The following PALM variants were observed in gnomAD, a reference collection of about 807,000 sequenced individuals.
The protein encoded by PALM is paralemmin.
In PALM, 18 loss-of-function variants were observed where a neutral mutation model predicts 30.7. The observed-to-expected ratio is 0.59, with a 90% confidence interval of 0.41 to 0.87. The LOEUF is 0.87. Among genes scored for constraint, PALM ranks in the 40% least tolerant of loss-of-function variants. The pLI is 0.00. For synonymous variants in PALM, 286 were observed against 242.8 expected (o/e 1.18, Z -1.66); for missense variants, 529 against 555.4 (o/e 0.95, Z 0.48).
chr19:729,033 G>A (rs1747382705), intron 4 of PALM, among the ~76,000 whole-genome samples: 1 of 151,400 alleles, frequency 6.6e-6, no homozygotes, highest in African/African-American at 2.4e-5. Context: ...AAAAATAAAG[G>A]CATGGACATG....
rs781245966 is a variant in PALM at position 746,582 on chromosome 19, A to T, written c.932A>T (p.Glu311Val). 3.1e-6 allele frequency: 5 copies of T among 1,613,422 alleles called. No individual in the cohort carries two copies. The Admixed American group carries it at 6.7e-5, about 22-fold the overall frequency. The change falls in exon 9 of 9, where the codon GAG becomes GTG. Residue 311 changes from glutamate (E) to valine (V), a missense_variant. Physicochemically the swap from Glu to Val is moderately radical, Grantham distance 121 (BLOSUM62 -2). Transcript: ENST00000338448. This position sits in a 1 kb window ranked among gnomAD's most constrained non-coding sequence, Gnocchi z 7.1. ...ATGGGTTACCAGAACGTGGAGGATG[A>T]GGCCGAGACCAAGAAGGTGCTGGGC... is the stretch of plus-strand genomic sequence containing the variant. ...IFMGYQNVED[E>V]AETKKVLGLQ...
At chr19:715,972 T>G (rs1314880825) in intron 1 of PALM, among the ~76,000 whole-genome samples, 1 of 151,982 alleles carries the variant, frequency 6.6e-6, no homozygotes, top group Non-Finnish European at 1.5e-5. Flanking sequence ...CGTCTTGGTG[T>G]CTGAGGAGTG....
At chr19:727,125 A>G in intron 3 of PALM, 37 bp downstream of exon 3, 1 of 1,406,728 alleles carries the variant, frequency 7.1e-7, no homozygotes, top group Non-Finnish European at 9.8e-7. Context: ...CAGGGAGTGC[A>G]GGCGGCTGTG....
chr19:720,177 GC>G (rs1171072148), intron 1 of PALM, among the ~76,000 whole-genome samples: 15 of 151,850 alleles, frequency 9.9e-5, no homozygotes, highest in Non-Finnish European at 1.5e-5. Flanking sequence ...CCAAGCACAG[GC>G]CGGGGGCGGG....
intron 1 of PALM, among the ~76,000 whole-genome samples, chr19:720,291 AC>A (rs1187138623): frequency 6.7e-6 from 1 of 149,390 alleles, no homozygotes; most frequent in Non-Finnish European, 1.5e-5. Flanking sequence ...TCCATCCATC[AC>A]CGGGGCGGCG....
At position 709,217 on chromosome 19, in the gene PALM, G is replaced by A. The variant is rs1242866815; in HGVS notation, c.5+66G>A. On this transcript the variant is annotated intron_variant, in intron 1 of 8. Transcript: ENST00000338448. This position sits in a 1 kb window ranked among gnomAD's most constrained non-coding sequence, Gnocchi z 4.3. Reference sequence around the variant, plus strand: ...GCTCCGGGAGCCGGGGAGGGGGGAGGCCCCCTCTCTCGCGCCCCATTGGGG... The same window carrying A: ...GCTCCGGGAGCCGGGGAGGGGGGAGACCCCCTCTCTCGCGCCCCATTGGGG... The A allele has an allele frequency of 1.3e-5, 4 of 302,774 alleles. No individual in the cohort carries two copies. The highest frequency in any genetic ancestry group is 6.1e-6 in the Non-Finnish European group (1 of 163,996). 18.8% of individuals were successfully genotyped at this position (302,774 alleles called of 1,614,324 possible). A position where few individuals can be genotyped will look rare whatever the true frequency, so the allele number is the denominator to read the frequency against.
chr19:714,839 A>G (rs2032205857), intron 1 of PALM, among the ~76,000 whole-genome samples: 2 of 151,852 alleles, frequency 1.3e-5, no homozygotes, highest in Non-Finnish European at 2.9e-5. Flanking sequence ...TTGTTTTTGT[A>G]GAGACGGGGT....
chr19:713,524 T>C lies in PALM; in HGVS notation c.5+4373T>C, dbSNP rs556249446. 2.0e-4 allele frequency among the ~76,000 whole-genome samples: 30 copies of C among 152,348 alleles called. No individual in the cohort carries two copies. The East Asian group carries it at 5.2e-3, about 26-fold the overall frequency. On this transcript the variant is annotated intron_variant, in intron 1 of 8. Coordinates refer to ENST00000338448, the MANE Select transcript of PALM (RefSeq NM_002579.3). The stretch of plus-strand genomic sequence containing the variant: ...TGGGGGCATCTCTGCCTCTGCCCAT[T>C]AGCCAGGTTCATCCTTAAGGGCCTC...
chr19:719,802 C>T (rs2238557), intron 1 of PALM: 19,343 of 220,578 alleles, frequency 0.088, 1,090 homozygotes, highest in East Asian at 0.24. Context: ...CGGGAGAAGG[C>T]CGCCCTGCCC....
At chr19:718,533 G>C (rs917823618) in intron 1 of PALM, among the ~76,000 whole-genome samples, 2 of 152,168 alleles carry the variant, frequency 1.3e-5, no homozygotes, top group East Asian at 3.9e-4. Flanking sequence ...CTGAGGGCCC[G>C]GGCAGGGTCC....
At position 740,500 on chromosome 19, in the gene PALM, C is replaced by A. The variant is rs1445064510; in HGVS notation, c.634+17C>A. ...AGACCAAAGGTACGAGCACCCCGGC[C>A]CCTGCCCTCCCTCCACCTGGGCCAG... On this transcript the variant is annotated intron_variant, in intron 8 of 8. Coordinates refer to ENST00000338448, the MANE Select transcript of PALM (RefSeq NM_002579.3). The A allele has an allele frequency of 3.2e-6, 5 of 1,544,320 alleles. No individual in the cohort carries two copies. Among genetic ancestry groups the A allele is most frequent in the Non-Finnish European group, 4.4e-6 (5 of 1,142,544 alleles).
At chr19:734,797 A>C (rs1599159446) in intron 6 of PALM, 1 of 157,856 alleles carries the variant, frequency 6.3e-6, no homozygotes. Flanking sequence ...GCACCACTGC[A>C]CCCCAGCCTG....
intron 7 of PALM, among the ~76,000 whole-genome samples, chr19:737,670 T>C (rs973516579): frequency 6.6e-6 from 1 of 152,098 alleles, no homozygotes; most frequent in Non-Finnish European, 1.5e-5. Context: ...CGCAGCTATC[T>C]GGGGAAAGGT....
intron 7 of PALM, among the ~76,000 whole-genome samples, chr19:737,138 C>T (rs2033046780): frequency 6.6e-6 from 1 of 152,200 alleles, no homozygotes; most frequent in Non-Finnish European, 1.5e-5. Context: ...AGGAGAGCCA[C>T]CCGGAGGCCC....
intron 1 of PALM, among the ~76,000 whole-genome samples, chr19:710,168 C>A (rs2144835766): frequency 6.6e-6 from 1 of 152,290 alleles, no homozygotes; most frequent in Non-Finnish European, 1.5e-5. Flanking sequence ...GCCTGTGGCC[C>A]CCTGCCCTTC....
At chr19:713,980 C>G (rs1333861161) in intron 1 of PALM, among the ~76,000 whole-genome samples, 1 of 148,172 alleles carries the variant, frequency 6.7e-6, no homozygotes, top group Non-Finnish European at 1.5e-5. Flanking sequence ...TCTCGGCTCA[C>G]TGCAACCTCT....
At chr19:744,823 AGTG>A (rs1262766381) in intron 8 of PALM, among the ~76,000 whole-genome samples, 36 of 137,786 alleles carry the variant, frequency 2.6e-4, no homozygotes, top group Non-Finnish European at 4.9e-4. Context: ...GAACCTAGGA[AGTG>A]GAGGTTGCAG....
At chr19:716,498 G>A (rs1259648894) in intron 1 of PALM, among the ~76,000 whole-genome samples, 1 of 152,178 alleles carries the variant, frequency 6.6e-6, no homozygotes, top group African/African-American at 2.4e-5. Flanking sequence ...ACTGGTGGTG[G>A]GACAGGGCCA....
chr19:731,612 C>T (rs903637431), intron 5 of PALM, among the ~76,000 whole-genome samples: 20 of 152,016 alleles, frequency 1.3e-4, no homozygotes, highest in African/African-American at 1.7e-4. Context: ...CGCCTGGGGG[C>T]GTCAGAAGGG....
Sources: gnomAD v4.1 joint callset for allele counts (sites outside exome capture counted in the v4.1 genomes callset) on GRCh38, gnomAD v4.1.1 for gene constraint, Gnocchi (gnomAD v3.1) non-coding constraint, MANE v1.5 for transcripts, NCBI Gene and HGNC (gene_info 2026-07-23, HGNC 2026-07-21) for gene names.